The following ADAM32 variants were observed in gnomAD, a reference collection of about 807,000 sequenced individuals.
ADAM32 encodes disintegrin and metalloproteinase domain-containing protein 32.
A neutral mutation model predicts 114.9 loss-of-function variants in ADAM32; 89 were observed. The ratio of observed to expected loss-of-function variants is 0.77; its 90% confidence interval spans 0.65 to 0.92. The LOEUF is 0.92. Among genes scored for constraint, ADAM32 ranks in the 40% least tolerant of loss-of-function variants. ADAM32 has a pLI of 0.00. For synonymous variants in ADAM32, 285 were observed against 307.5 expected (o/e 0.93, Z 0.77); for missense variants, 870 against 932.8 (o/e 0.93, Z 0.88).
At chr8:39,158,490 C>T in intron 6 of ADAM32, 1 of 287,156 alleles carries the variant, frequency 3.5e-6, no homozygotes. Context: ...GCCTCTACCC[C>T]TTCCTTCTTG....
At chr8:39,205,563 C>T (rs1158410841) in intron 11 of ADAM32, among the ~76,000 whole-genome samples, 1 of 152,212 alleles carries the variant, frequency 6.6e-6, no homozygotes, top group Non-Finnish European at 1.5e-5. Context: ...TGACCCCTTG[C>T]ACTTCCTAGG....
intron 18 of ADAM32, among the ~76,000 whole-genome samples, chr8:39,256,376 G>C (rs1459098078): frequency 6.6e-6 from 1 of 151,930 alleles, no homozygotes; most frequent in Non-Finnish European, 1.5e-5. Flanking sequence ...TGTTACAGAA[G>C]AAATGAAATA....
chr8:39,127,958 G>T (rs58188747), intron 2 of ADAM32, among the ~76,000 whole-genome samples: 344 of 152,186 alleles, frequency 2.3e-3, no homozygotes, highest in African/African-American at 8.0e-3. Context: ...TCAGGAACAG[G>T]TTGTTCAATG....
At chr8:39,196,363 CA>C (rs1259301742) in intron 11 of ADAM32, among the ~76,000 whole-genome samples, 1 of 152,052 alleles carries the variant, frequency 6.6e-6, no homozygotes, top group East Asian at 1.9e-4. Flanking sequence ...CTAGGATTTT[CA>C]GTACTATGTT....
At chr8:39,277,516 C>T (rs1564741403) in intron 22 of ADAM32, among the ~76,000 whole-genome samples, 2 of 152,202 alleles carry the variant, frequency 1.3e-5, no homozygotes, top group East Asian at 1.9e-4. Flanking sequence ...TCCCTGACCC[C>T]TTCAGGGGAC....
At chr8:39,263,487 G>T (rs563054405) in intron 19 of ADAM32, among the ~76,000 whole-genome samples, 5 of 152,120 alleles carry the variant, frequency 3.3e-5, no homozygotes, top group African/African-American at 4.8e-5. Context: ...GGTGGTGGTT[G>T]TTCTCTATTT....
intron 11 of ADAM32, among the ~76,000 whole-genome samples, chr8:39,205,634 C>T (rs779748605): frequency 5.8e-4 from 88 of 152,332 alleles, no homozygotes; most frequent in Non-Finnish European, 9.6e-4. Flanking sequence ...CTGTCCTGCA[C>T]CAACTGTCCG....
chr8:39,265,301 TTAAA>T (rs1812284667), intron 19 of ADAM32, among the ~76,000 whole-genome samples: 1 of 152,168 alleles, frequency 6.6e-6, no homozygotes, highest in Non-Finnish European at 1.5e-5. Flanking sequence ...TTGTTTTATC[TTAAA>T]TAAGAAAGCA....
In ADAM32 at chr8:39,243,864, T is replaced by G. The variant is rs552143053; in HGVS notation, c.1819-2219T>G. Among the ~76,000 whole-genome samples the G allele has an allele frequency of 6.6e-5, 10 of 152,218 alleles. No individual in the cohort carries two copies. In the South Asian group the frequency reaches 2.1e-3, roughly 32 times the overall value. On this transcript the variant is annotated intron_variant, in intron 16 of 24. Coordinates refer to ENST00000379907, the MANE Select transcript of ADAM32 (RefSeq NM_145004.7). ...AAACTGTCACTGCTTGCCAATGATATGATCATATACCTTGGAAACCCTAAA... is the reference window on the plus strand; with the variant it reads ...AAACTGTCACTGCTTGCCAATGATAGGATCATATACCTTGGAAACCCTAAA...
In ADAM32 at chr8:39,249,803, T is replaced by TA. The variant is rs564823444; in HGVS notation, c.1902+3638dup. ...CTGACATTTATTTCAAAGGCATGTC[T>TA]ACTGGTGATATATACTCTCAATTTT... is the stretch of plus-strand genomic sequence containing the variant. On this transcript the variant is annotated intron_variant, in intron 17 of 24. Coordinates refer to ENST00000379907, the MANE Select transcript of ADAM32 (RefSeq NM_145004.7). Among the ~76,000 whole-genome samples the TA allele has an allele frequency of 3.5e-4, 53 of 152,316 alleles. No homozygotes were observed. The South Asian group carries it at 0.011, about 31-fold the overall frequency.
chr8:39,192,131 C>A (rs1303445235), intron 11 of ADAM32, among the ~76,000 whole-genome samples: 1 of 152,042 alleles, frequency 6.6e-6, no homozygotes, highest in Non-Finnish European at 1.5e-5. Context: ...TGTATGTGTC[C>A]CAGAATTTAT....
At chr8:39,127,240 A>T (rs1401599148) in intron 2 of ADAM32, among the ~76,000 whole-genome samples, 2 of 152,150 alleles carry the variant, frequency 1.3e-5, no homozygotes, top group Non-Finnish European at 2.9e-5. Context: ...TTTCAGTAGA[A>T]ATGGTACCAG....
chr8:39,118,018 G>T (rs1446320230), intron 1 of ADAM32, 68 bp from the exon 2 acceptor site: 7 of 1,058,262 alleles, frequency 6.6e-6, no homozygotes, highest in Non-Finnish European at 8.0e-6. Context: ...CTTTATGAAA[G>T]AAACTGAACA....
chr8:39,253,383 C>T (rs997057566), intron 17 of ADAM32, among the ~76,000 whole-genome samples: 4 of 151,626 alleles, frequency 2.6e-5, no homozygotes, highest in African/African-American at 9.7e-5. Flanking sequence ...GATACTCAGT[C>T]TCTGCACTTC....
chr8:39,188,399 A>G lies in ADAM32; in HGVS notation c.1052+1354A>G, dbSNP rs1806389937. On this transcript the variant is annotated intron_variant, in intron 11 of 24. Transcript: ENST00000379907. Reference sequence around the variant, plus strand: ...TGTCTGTCTGTCTGTCTATCTATCTATCTATCCATCCATCTATCACAACAA... The same window carrying G: ...TGTCTGTCTGTCTGTCTATCTATCTGTCTATCCATCCATCTATCACAACAA... Among the ~76,000 whole-genome samples the G allele has an allele frequency of 2.0e-5, 3 of 152,106 alleles. No homozygotes were observed. The South Asian group carries it at 6.2e-4, about 31-fold the overall frequency.
intron 14 of ADAM32, among the ~76,000 whole-genome samples, chr8:39,229,920 C>G (rs1585595056): frequency 6.6e-6 from 1 of 152,114 alleles, no homozygotes; most frequent in Non-Finnish European, 1.5e-5. Context: ...ATGGAACTCA[C>G]TCCAGGATAG....
At chr8:39,191,095 A>G (rs73606734) in intron 11 of ADAM32, among the ~76,000 whole-genome samples, 332 of 152,278 alleles carry the variant, frequency 2.2e-3, no homozygotes, top group African/African-American at 7.5e-3. Context: ...CATTCTTTTT[A>G]TGGTTACATA....
intron 16 of ADAM32, among the ~76,000 whole-genome samples, chr8:39,241,768 AC>A (rs1367656905): frequency 6.6e-6 from 1 of 152,184 alleles, no homozygotes. Flanking sequence ...AGAGGCTGCC[AC>A]CAAGGCCTCT....
At chr8:39,185,265 C>CA (rs56073309) in intron 10 of ADAM32, among the ~76,000 whole-genome samples, 15 of 121,558 alleles carry the variant, frequency 1.2e-4, no homozygotes, top group African/African-American at 4.3e-4. Context: ...AACTCCATCT[C>CA]AAAAAAAAAA....
Sources: allele counts gnomAD v4.1 joint callset (sites outside exome capture counted in the v4.1 genomes callset), GRCh38; gene constraint gnomAD v4.1.1; transcripts MANE v1.5; gene names NCBI Gene and HGNC (gene_info 2026-07-23, HGNC 2026-07-21).